The following TMC4 variants were observed in gnomAD, a reference collection of about 807,000 sequenced individuals.
The protein encoded by TMC4 is transmembrane channel like 4.
Under a neutral mutation model 82.0 loss-of-function variants are expected in TMC4, and 70 were observed. The observed-to-expected ratio is 0.85, with a 90% confidence interval of 0.70 to 1.04. The LOEUF (loss-of-function observed/expected upper bound fraction) is 1.04. Among genes scored for constraint, TMC4 ranks in the 50% least tolerant of loss-of-function variants. TMC4 has a pLI of 0.00. For missense variants in TMC4, 879 were observed against 899.0 expected, an observed-to-expected ratio of 0.98 and a Z score of 0.28; for synonymous variants, 446 against 406.0, an observed-to-expected ratio of 1.10 and a Z score of -1.18.
At chr19:54,160,820 T>G (rs900770528) in intron 13 of TMC4, 58 bp downstream of exon 13, 67 of 1,590,832 alleles carry the variant, frequency 4.2e-5, no homozygotes, top group East Asian at 1.3e-4. Context: ...TGGACGCAGG[T>G]GGTGGCCCCC....
intron 6 of TMC4, 30 bp downstream of exon 6, chr19:54,165,389 C>G: frequency 6.4e-7 from 1 of 1,572,300 alleles, no homozygotes; most frequent in Non-Finnish European, 8.7e-7. Flanking sequence ...TGGTCCCTAC[C>G]CAGTTGCAGA....
In TMC4 at chr19:54,164,550, C is replaced by T; in HGVS notation, c.997G>A (p.Gly333Ser). The change falls in exon 7 of 15, where the codon GGC becomes AGC. Residue 333 changes from glycine to serine, a missense_variant. Gly to Ser is a moderately conservative substitution (Grantham distance 56). Coordinates refer to ENST00000619895, the MANE Select transcript of TMC4 (RefSeq NM_144686.4). ...ACCAACCAAACCCTGGCTTGCTGGCCCAGCGTCCGCACCGCAGCCTGGCGC... is the reference window on the plus strand; with the variant it reads ...ACCAACCAAACCCTGGCTTGCTGGCTCAGCGTCCGCACCGCAGCCTGGCGC... ...VRRQAAVRTLGQQARVWLVRV... is the reference protein window; with the variant it reads ...VRRQAAVRTLSQQARVWLVRV... 1 of 1,613,812 alleles carries T rather than the reference C, an allele frequency of 6.2e-7. No individual in the cohort carries two copies. The highest frequency in any genetic ancestry group is 8.5e-7 in the Non-Finnish European group (1 of 1,179,984).
At chr19:54,169,004 ATATATATTTTT>A (rs1430092253) in intron 3 of TMC4, among the ~76,000 whole-genome samples, 3 of 9,216 alleles carry the variant, frequency 3.3e-4, no homozygotes, top group African/African-American at 1.0e-3. Context: ...CTATATATAT[ATATATATTTTT>A]TTTTTTTTCT....
In TMC4 at chr19:54,165,482, G is replaced by C; in HGVS notation, c.882C>G (p.Asp294Glu). 6.2e-7 allele frequency: 1 copy of C among 1,613,200 alleles called. No individual in the cohort carries two copies. Among genetic ancestry groups the C allele is most frequent in the Non-Finnish European group, 8.5e-7 (1 of 1,179,582 alleles). The part of the protein sequence containing the change: ...SYSHRVFSAW[D>E]FGLCGDVHVR... ...CGTGGACGTCCCCGCAGAGACCGAAGTCCCAGGCCGAGAACACCCGGTGGC... is the reference window on the plus strand; with the variant it reads ...CGTGGACGTCCCCGCAGAGACCGAACTCCCAGGCCGAGAACACCCGGTGGC... The change falls in exon 6 of 15, where the codon GAC becomes GAG. Residue 294 changes from aspartate (D) to glutamate (E), a missense_variant. Physicochemically the swap from Asp to Glu is conservative, Grantham distance 45. Coordinates refer to ENST00000619895, the MANE Select transcript of TMC4 (RefSeq NM_144686.4).
At position 54,161,431 on chromosome 19, in the gene TMC4, C is replaced by G. The variant is rs374897469; in HGVS notation, c.1687-171G>C. ...TGGAGTGCAGTGGCTCTCACTGCAG[C>G]CTCCCCTCCCGGGTTCAAGCTATTC... On this transcript the variant is annotated intron_variant, in intron 11 of 14. Coordinates refer to ENST00000619895, the MANE Select transcript of TMC4 (RefSeq NM_144686.4). Among the ~76,000 whole-genome samples the G allele has an allele frequency of 1.1e-4, 17 of 148,056 alleles. No homozygotes were observed. The East Asian group carries it at 3.4e-3, about 30-fold the overall frequency.
At chr19:54,169,007 TATA>T (rs1337328079) in intron 3 of TMC4, among the ~76,000 whole-genome samples, 3 of 9,876 alleles carry the variant, frequency 3.0e-4, no homozygotes, top group Non-Finnish European at 7.4e-4. Flanking sequence ...TATATATATA[TATA>T]TTTTTTTTTT....
rs1450080980 is a variant in TMC4 at position 54,168,580 on chromosome 19, C to G, written c.543G>C (p.Leu181=). 6.3e-7 allele frequency: 1 copy of G among 1,588,694 alleles called. No homozygotes were observed. Among genetic ancestry groups the G allele is most frequent in the South Asian group, 1.1e-5 (1 of 87,124 alleles). ...GGGGAGCGCCTCCCAACCAGGTGGG[C>G]AGCAGCGTCATGCAGGCCATGAGCA... ...ASVLMACMTL[L]PTWLGGAPPG... is the part of the protein sequence containing the mutation. The change falls in exon 4 of 15, where the codon CTG becomes CTC. Residue 181 remains leucine (L), a synonymous_variant. Coordinates refer to ENST00000619895, the MANE Select transcript of TMC4 (RefSeq NM_144686.4).
At position 54,163,048 on chromosome 19, in the gene TMC4, A is replaced by C; in HGVS notation, c.1389T>G (p.Asn463Lys). ...EAEDCKTCGYNYKQLPCWETV... is the reference protein window; with the variant it reads ...EAEDCKTCGYKYKQLPCWETV... ...CCGTTCTCACCGGAAGTTGTTTGTAATTGTAGCCACAGGTTTTGCAGTCCT... is the reference window on the plus strand; with the variant it reads ...CCGTTCTCACCGGAAGTTGTTTGTACTTGTAGCCACAGGTTTTGCAGTCCT... Residue 463 changes from asparagine (N) to lysine (K), a missense_variant, in exon 9 of 15, where the codon AAT (asparagine) becomes AAG (lysine). Coordinates refer to ENST00000619895, the MANE Select transcript of TMC4 (RefSeq NM_144686.4). 6.2e-7 allele frequency: 1 copy of C among 1,614,124 alleles called. No individual in the cohort carries two copies. Among genetic ancestry groups the C allele is most frequent in the Non-Finnish European group, 8.5e-7 (1 of 1,180,020 alleles).
At chr19:54,164,857 G>A in intron 6 of TMC4, 1 of 563,834 alleles carries the variant, frequency 1.8e-6, no homozygotes, top group Non-Finnish European at 3.1e-6. Context: ...CCCAGGCCCC[G>A]CCCCTGAGGC....
chr19:54,168,802 CT>C lies in TMC4; in HGVS notation c.443-123del, dbSNP rs879687985. 3.0e-3 allele frequency: 99 copies of C among 32,862 alleles called. 18 individuals are homozygous for C. The highest frequency in any genetic ancestry group is 0.014 in the African/African-American group (28 of 2,006). The allele number at this position is 32,862 out of a possible 1,614,324, so 2.0% of individuals were successfully genotyped here. A position where few individuals can be genotyped will look rare whatever the true frequency, so the allele number is the denominator to read the frequency against. ...TTCTTTCTTTTCTTTTCTTTCTTTTCTTTTCTTTTCTTTTCTTTTCTTTTCT... is the reference window on the plus strand; with the variant it reads ...TTCTTTCTTTTCTTTTCTTTCTTTTCTTTCTTTTCTTTTCTTTTCTTTTCT... On this transcript the variant is annotated intron_variant, in intron 3 of 14. Transcript: ENST00000619895.
At chr19:54,163,248 C>A in intron 8 of TMC4, 89 bp from the exon 9 acceptor site, 1 of 1,508,592 alleles carries the variant, frequency 6.6e-7, no homozygotes, top group East Asian at 2.4e-5. Flanking sequence ...GCATTCAACC[C>A]ATCTCACAGA....
intron 6 of TMC4, 68 bp from the exon 7 acceptor site, chr19:54,164,669 C>G (rs1226312046): frequency 6.3e-7 from 1 of 1,592,888 alleles, no homozygotes. Flanking sequence ...TTCCCCAGGT[C>G]TGGCTCTCCA....
In TMC4 at chr19:54,165,373, C is replaced by T. The variant is rs201011328; in HGVS notation, c.945+46G>A. Reference sequence around the variant, plus strand: ...GCCCTGTGCGTTATCTCAGCCCGGTCCTGTCTGGTCCCTACCCAGTTGCAG... The same window carrying T: ...GCCCTGTGCGTTATCTCAGCCCGGTTCTGTCTGGTCCCTACCCAGTTGCAG... On this transcript the variant is annotated intron_variant, in intron 6 of 14. Transcript: ENST00000619895. The T allele has an allele frequency of 7.2e-5, 111 of 1,546,884 alleles. No homozygotes were observed. In the African/African-American group the frequency reaches 1.3e-3, roughly 17 times the overall value.
rs34861271 is a variant in TMC4 at position 54,165,070 on chromosome 19, C to CTTTTTTTTT, written c.945+340_945+348dup. Among the ~76,000 whole-genome samples, 256 of 135,998 alleles carry CTTTTTTTTT rather than the reference C, an allele frequency of 1.9e-3. 3 individuals are homozygous for CTTTTTTTTT. The highest frequency in any genetic ancestry group is 7.5e-3 in the Middle Eastern group (2 of 266). The allele number at this position is 135,998 out of a possible 152,430, so 89.2% of individuals were successfully genotyped here. On this transcript the variant is annotated intron_variant, in intron 6 of 14. Coordinates refer to ENST00000619895, the MANE Select transcript of TMC4 (RefSeq NM_144686.4). ...TTGTGCTTACTTAAAAAAAAACAAA[C>CTTTTTTTTT]TTTTTTTTTTTTTTTTTGGTAGAGA...
rs1295212777 is a variant in TMC4 at position 54,160,188 on chromosome 19, C to A, written c.*118G>T. ...CGTGGCGGCGAGGGGCCCTGGAAATCTCCAGATACCAAAGCTGGAAGGGCG... is the reference window on the plus strand; with the variant it reads ...CGTGGCGGCGAGGGGCCCTGGAAATATCCAGATACCAAAGCTGGAAGGGCG... On this transcript the variant is annotated 3_prime_UTR_variant, in exon 15 of 15. Transcript: ENST00000619895. 2.6e-6 allele frequency: 3 copies of A among 1,165,162 alleles called. No individual in the cohort carries two copies. Among genetic ancestry groups the A allele is most frequent in the Non-Finnish European group, 3.5e-6 (3 of 850,092 alleles). 72.2% of individuals were successfully genotyped at this position (1,165,162 alleles called of 1,614,324 possible). A position where few individuals can be genotyped will look rare whatever the true frequency, so the allele number is the denominator to read the frequency against.
chr19:54,162,242 C>T lies in TMC4; in HGVS notation c.1546G>A (p.Gly516Arg), dbSNP rs1448103413. 1.9e-6 allele frequency: 3 copies of T among 1,609,008 alleles called. No individual in the cohort carries two copies. The highest frequency in any genetic ancestry group is 2.5e-6 in the Non-Finnish European group (3 of 1,178,080). ...LCPGALGRLA[G>R]TQEFQVPDEV... ...TCGGGCACCTGGAACTCTTGGGTCCCCGCCAGACGACCCAGCGCCCCAGGA... is the reference window on the plus strand; with the variant it reads ...TCGGGCACCTGGAACTCTTGGGTCCTCGCCAGACGACCCAGCGCCCCAGGA... The change falls in exon 11 of 15, where the codon GGG (glycine) becomes AGG (arginine). Residue 516 changes from glycine (G) to arginine (R), a missense_variant. By Grantham distance (125) the Gly-to-Arg change is moderately radical (BLOSUM62 -2). Transcript: ENST00000619895.
At position 54,162,353 on chromosome 19, in the gene TMC4, G is replaced by A. The variant is rs1217210130; in HGVS notation, c.1503-68C>T. The A allele has an allele frequency of 4.9e-6, 4 of 816,166 alleles. No individual in the cohort carries two copies. In the East Asian group the frequency reaches 9.6e-5, roughly 20 times the overall value. 50.6% of individuals were successfully genotyped at this position (816,166 alleles called of 1,614,324 possible). A position where few individuals can be genotyped will look rare whatever the true frequency, so the allele number is the denominator to read the frequency against. ...GGCCTGGAGTTTCCACGCCTCCACC[G>A]CCCCGCCCGCCAATAGGAAGCATGC... On this transcript the variant is annotated intron_variant, in intron 10 of 14. Transcript: ENST00000619895.
Position 54,164,649 on chromosome 19 carries a change from G to T in TMC4, c.946-48C>A, listed in dbSNP as rs2075655937. On this transcript the variant is annotated intron_variant, in intron 6 of 14. Coordinates refer to ENST00000619895, the MANE Select transcript of TMC4 (RefSeq NM_144686.4). ...CTTGGACTCCATTTCCCAAGGCGCG[G>T]GCCTCCCGGTTCCCCAGGTCTGGCT... 1.9e-6 allele frequency: 3 copies of T among 1,604,654 alleles called. No individual in the cohort carries two copies. The African/African-American group carries it at 4.0e-5, about 21-fold the overall frequency.
rs377550147 is a variant in TMC4 at position 54,162,181 on chromosome 19, A to G, written c.1607T>C (p.Val536Ala). Residue 536 changes from valine (V) to alanine (A), a missense_variant, in exon 11 of 15, where the codon GTC becomes GCC. Physicochemically the swap from Val to Ala is moderately conservative, Grantham distance 64. Coordinates refer to ENST00000619895, the MANE Select transcript of TMC4 (RefSeq NM_144686.4). ...VLGLIYAQTV[V>A]WVGSFFCPLL... ...AGGGCAGAAAAAACTCCCCACCCAG[A>G]CCACCGTCTGCGCGTAGATGAGCCC... The G allele has an allele frequency of 3.1e-6, 5 of 1,613,346 alleles. No homozygotes were observed. Among genetic ancestry groups the G allele is most frequent in the Non-Finnish European group, 3.4e-6 (4 of 1,179,814 alleles).
Sources: gnomAD v4.1 joint callset for allele counts (sites outside exome capture counted in the v4.1 genomes callset) on GRCh38, gnomAD v4.1.1 for gene constraint, MANE v1.5 for transcripts, NCBI Gene and HGNC (gene_info 2026-07-23, HGNC 2026-07-21) for gene names.